The following NPAS3 variants were observed in gnomAD, a reference collection of about 807,000 sequenced individuals.
NPAS3 encodes neuronal PAS domain protein 3.
Under a neutral mutation model 73.1 loss-of-function variants are expected in NPAS3, and 14 were observed. That is an observed-to-expected ratio of 0.19 (90% confidence interval 0.13 to 0.30). The LOEUF (loss-of-function observed/expected upper bound fraction) is 0.30, where lower values mean the gene tolerates loss of function less well. NPAS3 is among the 10% of genes least tolerant of loss of function. The pLI is 1.00. For missense variants in NPAS3, 1,096 were observed against 1,250.0 expected (o/e 0.88, Z 1.86); for synonymous variants, 620 against 541.5 (o/e 1.14, Z -2.01).
rs974091535 is a variant in NPAS3 at position 33,437,506 on chromosome 14, A to C, written c.468+70238A>C. Among the ~76,000 whole-genome samples, 3 of 152,204 alleles carry C rather than the reference A, an allele frequency of 2.0e-5. No homozygotes were observed. The South Asian group carries it at 6.2e-4, about 32-fold the overall frequency. On this transcript the variant is annotated intron_variant, in intron 4 of 11. Coordinates refer to ENST00000356141, the Ensembl canonical transcript of NPAS3. ...TCTGGATTCTAGAGTAGAGTATTCA[A>C]GGAATCCAATTGACTGTCCCAAATA...
At chr14:33,340,328 C>T (rs1237531039) in intron 3 of NPAS3, among the ~76,000 whole-genome samples, 1 of 152,114 alleles carries the variant, frequency 6.6e-6, no homozygotes, top group Non-Finnish European at 1.5e-5. Context: ...AACCCTGTCT[C>T]TACTAAAAAT....
intron 7 of NPAS3, among the ~76,000 whole-genome samples, chr14:33,757,498 G>A (rs2062151201): frequency 6.6e-6 from 1 of 152,138 alleles, no homozygotes; most frequent in Non-Finnish European, 1.5e-5. Flanking sequence ...AGATGAATCT[G>A]ACAGTAAAAT....
chr14:32,972,364 AAGAT>A (rs1327558157), intron 1 of NPAS3, among the ~76,000 whole-genome samples: 2 of 152,362 alleles, frequency 1.3e-5, no homozygotes, highest in East Asian at 3.9e-4. Flanking sequence ...GAATGAATGT[AAGAT>A]TTAGTTTAAA....
chr14:33,316,281 G>A (rs1304231116), intron 3 of NPAS3, among the ~76,000 whole-genome samples: 3 of 152,010 alleles, frequency 2.0e-5, no homozygotes, highest in African/African-American at 2.4e-5. Context: ...TTAAAATCAC[G>A]CGTGGGCTTC....
chr14:33,143,788 G>T (rs1811315944), intron 2 of NPAS3, among the ~76,000 whole-genome samples: 1 of 152,032 alleles, frequency 6.6e-6, no homozygotes, highest in South Asian at 2.1e-4. Context: ...TACCTATTCT[G>T]GATGTTTCCT....
At chr14:33,731,938 G>A (rs1302745954) in intron 6 of NPAS3, among the ~76,000 whole-genome samples, 2 of 151,998 alleles carry the variant, frequency 1.3e-5, no homozygotes, top group Non-Finnish European at 1.5e-5. Context: ...AGAGCTGGGC[G>A]CAACTGGGCT....
chr14:33,221,423 A>C (rs917233900), intron 3 of NPAS3, among the ~76,000 whole-genome samples: 1 of 152,160 alleles, frequency 6.6e-6, no homozygotes, highest in African/African-American at 2.4e-5. Context: ...CCTTATCCAG[A>C]GTAGTACTTG....
chr14:33,512,981 T>C (rs966913616), intron 4 of NPAS3, among the ~76,000 whole-genome samples: 2 of 152,060 alleles, frequency 1.3e-5, no homozygotes, highest in African/African-American at 4.8e-5. Flanking sequence ...CCAATGTGTT[T>C]GCAATTTTGA....
chr14:33,464,740 C>T (rs1257389512), intron 4 of NPAS3, among the ~76,000 whole-genome samples: 1 of 151,872 alleles, frequency 6.6e-6, no homozygotes, highest in Non-Finnish European at 1.5e-5. Flanking sequence ...TGGTCATAGG[C>T]TCTGTTTGGC....
At chr14:33,625,712 C>A (rs1567064709) in intron 5 of NPAS3, among the ~76,000 whole-genome samples, 1 of 152,110 alleles carries the variant, frequency 6.6e-6, no homozygotes, top group Non-Finnish European at 1.5e-5. Flanking sequence ...CTATAAGCAA[C>A]ATAGTTCTTC....
intron 9 of NPAS3, among the ~76,000 whole-genome samples, chr14:33,793,392 T>C (rs1167279086): frequency 6.6e-6 from 1 of 152,098 alleles, no homozygotes; most frequent in Non-Finnish European, 1.5e-5. Flanking sequence ...TTAGACAAGA[T>C]CAAAAGGAAC....
intron 1 of NPAS3, among the ~76,000 whole-genome samples, chr14:32,989,912 A>G (rs2038261995): frequency 6.6e-6 from 1 of 152,180 alleles, no homozygotes; most frequent in African/African-American, 2.4e-5. Context: ...ATTCCAGGCA[A>G]GACTTGGTGC....
intron 4 of NPAS3, among the ~76,000 whole-genome samples, chr14:33,408,209 T>A (rs1363052423): frequency 1.3e-5 from 2 of 152,160 alleles, no homozygotes; most frequent in African/African-American, 4.8e-5. Context: ...AAAACTTGGC[T>A]GGTTCTCAGG....
intron 3 of NPAS3, among the ~76,000 whole-genome samples, chr14:33,302,935 A>G (rs2042612822): frequency 1.3e-5 from 2 of 149,316 alleles, no homozygotes; most frequent in South Asian, 2.1e-4. Context: ...ATGCCCCTAT[A>G]TATTTTTATT....
chr14:33,154,320 T>A (rs1006676960), intron 2 of NPAS3, among the ~76,000 whole-genome samples: 1 of 152,238 alleles, frequency 6.6e-6, no homozygotes, highest in Non-Finnish European at 1.5e-5. Context: ...GACTATACCT[T>A]CCCTTAACTC....
At chr14:33,332,136 G>T (rs554443581) in intron 3 of NPAS3, among the ~76,000 whole-genome samples, 1 of 152,178 alleles carries the variant, frequency 6.6e-6, no homozygotes, top group East Asian at 1.9e-4. Flanking sequence ...CAAGGTTCTG[G>T]GTACTCCAAA....
chr14:33,039,055 A>G (rs2040264066), intron 1 of NPAS3, among the ~76,000 whole-genome samples: 2 of 152,220 alleles, frequency 1.3e-5, no homozygotes, highest in East Asian at 3.8e-4. Context: ...GTGTGACATC[A>G]AAGATTTACC....
At chr14:33,299,251 C>T (rs1055706590) in intron 3 of NPAS3, among the ~76,000 whole-genome samples, 1 of 152,172 alleles carries the variant, frequency 6.6e-6, no homozygotes, top group African/African-American at 2.4e-5. Context: ...CACATCTTAG[C>T]TTCTGGGTTA....
At chr14:33,766,880 T>C (rs2062480351) in intron 7 of NPAS3, among the ~76,000 whole-genome samples, 1 of 152,200 alleles carries the variant, frequency 6.6e-6, no homozygotes, top group African/African-American at 2.4e-5. Flanking sequence ...TTTTCCCTGT[T>C]CTGCCTTTTC....
Sources: allele counts gnomAD v4.1 joint callset (sites outside exome capture counted in the v4.1 genomes callset), GRCh38; gene constraint gnomAD v4.1.1; transcripts MANE v1.5; gene names NCBI Gene and HGNC (gene_info 2026-07-23, HGNC 2026-07-21).